Variants in ZNF729 observed in about 807,000 individuals in gnomAD.
ZNF729 encodes the protein zinc finger protein 729.
ZNF729 carries 15 observed loss-of-function variants against 12.2 expected under a neutral mutation model. The ratio of observed to expected loss-of-function variants is 1.23; its 90% confidence interval spans 0.82 to 1.89. The LOEUF is 1.89. Among genes scored for constraint, ZNF729 ranks in the 40% most tolerant of loss-of-function variants. The pLI, the probability that ZNF729 is intolerant of heterozygous loss-of-function variation, is 0.00. For missense variants in ZNF729, 1,540 were observed against 1,456.7 expected (o/e 1.06, Z -0.93); for synonymous variants, 492 against 476.3 (o/e 1.03, Z -0.43).
chr19:22,297,941 G>A (rs1968251292), intron 1 of ZNF729, among the ~76,000 whole-genome samples: 1 of 144,360 alleles, frequency 6.9e-6, no homozygotes, highest in East Asian at 2.1e-4. Flanking sequence ...GGAGGTGGAG[G>A]TTGCAGTGAG....
In ZNF729 at chr19:22,315,540, G is replaced by T; in HGVS notation, c.2123G>T (p.Gly708Val). The change falls in exon 4 of 4, where the codon GGA becomes GTA. Residue 708 changes from glycine (G) to valine (V), a missense_variant. By Grantham distance (109) the Gly-to-Val change is moderately radical (BLOSUM62 -3). Coordinates refer to ENST00000601693, the MANE Select transcript of ZNF729 (RefSeq NM_001242680.2). ...AGAAGACATAAGATAATTCATACTG[G>T]AGAGAAACCCTACAAATGTGAAGAA... Reference protein sequence around the residue: ...ALRRHKIIHTGEKPYKCEECG... With the variant: ...ALRRHKIIHTVEKPYKCEECG... 1.2e-6 allele frequency: 2 copies of T among 1,610,736 alleles called. No homozygotes were observed. The highest frequency in any genetic ancestry group is 1.7e-4 in the Middle Eastern group (1 of 6,054).
rs1477529066 is a variant in ZNF729 at position 22,292,390 on chromosome 19, A to G, written c.30+5835A>G. ...AATCTTGTTCACTTTTTATGGCAAC[A>G]CAGTATTCCATGATGTTTATGTACC... On this transcript the variant is annotated intron_variant, in intron 1 of 3. Transcript: ENST00000601693. 2.0e-5 allele frequency among the ~76,000 whole-genome samples: 3 copies of G among 152,312 alleles called. No homozygotes were observed. The East Asian group carries it at 5.8e-4, about 29-fold the overall frequency.
chr19:22,287,460 T>G (rs1011016940), intron 1 of ZNF729, among the ~76,000 whole-genome samples: 1 of 151,706 alleles, frequency 6.6e-6, no homozygotes, highest in Non-Finnish European at 1.5e-5. Flanking sequence ...GAGACGGGGG[T>G]TTCTCCATTT....
intron 1 of ZNF729, among the ~76,000 whole-genome samples, chr19:22,291,099 A>C (rs1413393506): frequency 6.6e-6 from 1 of 152,126 alleles, no homozygotes; most frequent in East Asian, 1.9e-4. Context: ...GTGGTGTCAG[A>C]ATTCAAATGT....
Position 22,314,614 on chromosome 19 carries a change from T to G in ZNF729, c.1197T>G (p.Thr399=). The G allele has an allele frequency of 6.2e-7, 1 of 1,612,308 alleles. No homozygotes were observed. ...TTACTGTACATAAGGTAGTTCATAC[T>G]GGAGAGAAACCCTACAAATGTGAAG... ...SKLTVHKVVH[T]GEKPYKCEEC... The change falls in exon 4 of 4, where the codon ACT becomes ACG. Residue 399 remains threonine, a synonymous_variant. Coordinates refer to ENST00000601693, the MANE Select transcript of ZNF729 (RefSeq NM_001242680.2).
In ZNF729 at chr19:22,309,338, G is replaced by C. The variant is rs551302866; in HGVS notation, c.254-4333G>C. ...TGGGTGCCTGTAATCCCAGCTACTC[G>C]GGAGGCTGAGGCAGGAGAATTGCTT... On this transcript the variant is annotated intron_variant, in intron 3 of 3. Transcript: ENST00000601693. 2.5e-3 allele frequency among the ~76,000 whole-genome samples: 374 copies of C among 152,166 alleles called. 1 individual carries two copies. The highest frequency in any genetic ancestry group is 8.5e-3 in the African/African-American group (352 of 41,534).
chr19:22,308,777 T>C (rs1968415279), intron 3 of ZNF729, among the ~76,000 whole-genome samples: 1 of 152,164 alleles, frequency 6.6e-6, no homozygotes, highest in African/African-American at 2.4e-5. Flanking sequence ...TAGTTCTTTG[T>C]CAGGTGTATA....
chr19:22,313,737 T>C lies in ZNF729; in HGVS notation c.320T>C (p.Val107Ala). 6.3e-7 allele frequency: 1 copy of C among 1,580,964 alleles called. No individual in the cohort carries two copies. The highest frequency in any genetic ancestry group is 2.2e-5 in the East Asian group (1 of 44,516). The change falls in exon 4 of 4, where the codon GTA becomes GCA. Residue 107 changes from valine to alanine, a missense_variant. By Grantham distance (64) the Val-to-Ala change is moderately conservative (BLOSUM62 0). Coordinates refer to ENST00000601693, the MANE Select transcript of ZNF729 (RefSeq NM_001242680.2). ...DQSTKDSFQEVILRTYARCGH... is the reference protein window; with the variant it reads ...DQSTKDSFQEAILRTYARCGH... ...AGCACAAAAGATTCTTTCCAAGAAG[T>C]AATACTGAGAACATATGCAAGATGT...
Position 22,303,806 on chromosome 19 carries a change from T to A in ZNF729, c.79T>A (p.Trp27Arg), listed in dbSNP as rs1968345915. The A allele has an allele frequency of 6.3e-7, 1 of 1,575,904 alleles. No homozygotes were observed. The highest frequency in any genetic ancestry group is 1.4e-5 in the African/African-American group (1 of 74,004). The stretch of plus-strand genomic sequence containing the variant: ...GACCATAGAATTCTCTCTGGAGGAG[T>A]GGCAATGCCTGGACACGGTTCAGCA... The part of the protein sequence containing the change: ...DVTIEFSLEE[W>R]QCLDTVQQNL... Residue 27 changes from tryptophan (W) to arginine (R), a missense_variant, in exon 2 of 4, where the codon TGG (tryptophan) becomes AGG (arginine). By Grantham distance (101) the Trp-to-Arg change is moderately radical. Transcript: ENST00000601693.
chr19:22,300,759 C>T (rs1488421882), intron 1 of ZNF729, among the ~76,000 whole-genome samples: 1 of 152,160 alleles, frequency 6.6e-6, no homozygotes, highest in East Asian at 1.9e-4. Flanking sequence ...CTATGGGGCC[C>T]AGAAACCCAA....
At chr19:22,295,389 C>CTTTTT (rs746054091) in intron 1 of ZNF729, among the ~76,000 whole-genome samples, 3 of 130,892 alleles carry the variant, frequency 2.3e-5, no homozygotes, top group Non-Finnish European at 3.3e-5. Context: ...AGTTTTCTTT[C>CTTTTT]TTTTTTTTTT....
chr19:22,293,578 C>T (rs778692126), intron 1 of ZNF729, among the ~76,000 whole-genome samples: 4 of 144,988 alleles, frequency 2.8e-5, no homozygotes, highest in Middle Eastern at 3.6e-3. Context: ...CTGCAACCTC[C>T]GCCTCCTGGG....
chr19:22,286,473 T>C lies in ZNF729; in HGVS notation c.-53T>C, dbSNP rs544613535. 334 of 1,609,790 alleles carry C rather than the reference T, an allele frequency of 2.1e-4. No individual in the cohort carries two copies. Among genetic ancestry groups the C allele is most frequent in the African/African-American group, 1.5e-3 (109 of 74,528 alleles). ...CCGGTCTCGCCTTCACTGCTGTGTGTCCTCAGCCTCTGTGGCCCTGTAACC... is the reference window on the plus strand; with the variant it reads ...CCGGTCTCGCCTTCACTGCTGTGTGCCCTCAGCCTCTGTGGCCCTGTAACC... On this transcript the variant is annotated 5_prime_UTR_variant, in exon 1 of 4. Transcript: ENST00000601693.
intron 1 of ZNF729, among the ~76,000 whole-genome samples, chr19:22,291,803 G>A (rs779351447): frequency 1.3e-5 from 2 of 152,112 alleles, no homozygotes; most frequent in African/African-American, 2.4e-5. Context: ...GCACGATCTC[G>A]GCTCACTGCA....
chr19:22,312,933 G>A (rs540105481), intron 3 of ZNF729, among the ~76,000 whole-genome samples: 32 of 152,126 alleles, frequency 2.1e-4, no homozygotes, highest in Admixed American at 1.7e-3. Context: ...CGCTGGTCTC[G>A]AACTCCCGAC....
intron 2 of ZNF729, 76 bp downstream of exon 2, chr19:22,303,960 G>T: frequency 1.4e-6 from 2 of 1,405,538 alleles, no homozygotes; most frequent in Non-Finnish European, 9.5e-7. Flanking sequence ...AATGTGTTTT[G>T]GTGATTTATG....
Position 22,316,093 on chromosome 19 carries a change from G to A in ZNF729, c.2676G>A (p.Leu892=), listed in dbSNP as rs754900740. ...AATGTGGTAAAGCTTTTAAGTGGTTGTCAAAACTTACTGTACATAAGGTAA... is the reference window on the plus strand; with the variant it reads ...AATGTGGTAAAGCTTTTAAGTGGTTATCAAAACTTACTGTACATAAGGTAA... The part of the protein sequence containing the change: ...CEECGKAFKW[L]SKLTVHKVIH... The change falls in exon 4 of 4, where the codon TTG becomes TTA. Residue 892 remains leucine, a synonymous_variant. Transcript: ENST00000601693. 1.2e-6 allele frequency: 2 copies of A among 1,606,522 alleles called. No individual in the cohort carries two copies. Among genetic ancestry groups the A allele is most frequent in the Non-Finnish European group, 1.7e-6 (2 of 1,178,412 alleles).
Position 22,313,919 on chromosome 19 carries a change from A to G in ZNF729, c.502A>G (p.Asn168Asp). Residue 168 changes from asparagine to aspartate, a missense_variant, in exon 4 of 4, where the codon AAT becomes GAT. Physicochemically the swap from Asn to Asp is conservative, Grantham distance 23. Coordinates refer to ENST00000601693, the MANE Select transcript of ZNF729 (RefSeq NM_001242680.2). The stretch of plus-strand genomic sequence containing the variant: ...TATGAAAGTCTTTCATAAATATTCA[A>G]ATAGAAATAAGGTTAGACACACTAA... ...KHMKVFHKYSNRNKVRHTKKK... is the reference protein window; with the variant it reads ...KHMKVFHKYSDRNKVRHTKKK... The G allele has an allele frequency of 2.6e-6, 4 of 1,526,336 alleles. No homozygotes were observed. Among genetic ancestry groups the G allele is most frequent in the South Asian group, 1.2e-5 (1 of 81,092 alleles). The allele number at this position is 1,526,336 out of a possible 1,614,324, so 94.5% of individuals were successfully genotyped here. A position where few individuals can be genotyped will look rare whatever the true frequency, so the allele number is the denominator to read the frequency against.
At chr19:22,291,022 A>G (rs1968144978) in intron 1 of ZNF729, among the ~76,000 whole-genome samples, 1 of 152,112 alleles carries the variant, frequency 6.6e-6, no homozygotes, top group Non-Finnish European at 1.5e-5. Context: ...GGGGTTTGTG[A>G]CTGGCATCTG....
Sources: gnomAD v4.1 joint callset for allele counts (sites outside exome capture counted in the v4.1 genomes callset) on GRCh38, gnomAD v4.1.1 for gene constraint, MANE v1.5 for transcripts, NCBI Gene and HGNC (gene_info 2026-07-23, HGNC 2026-07-21) for gene names.